The following NAP1L4 variants were observed in gnomAD, a reference collection of about 807,000 sequenced individuals.
NAP1L4 encodes the protein nucleosome assembly protein 1-like 4.
In NAP1L4, 15 loss-of-function variants were observed where a neutral mutation model predicts 58.2. The observed-to-expected ratio is 0.26, with a 90% CI of 0.17 to 0.40. NAP1L4 has a LOEUF of 0.40. Among genes scored for constraint, NAP1L4 ranks in the 10% least tolerant of loss-of-function variants. NAP1L4 has a pLI of 1.00. For synonymous variants in NAP1L4, 171 were observed against 155.6 expected, an observed-to-expected ratio of 1.10 and a Z score of -0.74; for missense variants, 384 against 451.1, an observed-to-expected ratio of 0.85 and a Z score of 1.35.
At chr11:2,957,504 A>T (rs766365060) in intron 10 of NAP1L4, among the ~76,000 whole-genome samples, 2 of 152,202 alleles carry the variant, frequency 1.3e-5, no homozygotes, top group Non-Finnish European at 2.9e-5. Flanking sequence ...ATACAAACAA[A>T]CACTCACTGA....
At chr11:2,977,698 T>C (rs907018650) in intron 3 of NAP1L4, among the ~76,000 whole-genome samples, 2 of 151,980 alleles carry the variant, frequency 1.3e-5, no homozygotes, top group Non-Finnish European at 2.9e-5. Context: ...GTAGAATTGT[T>C]TTAGGAAAAT....
Position 2,955,394 on chromosome 11 carries a change from C to T in NAP1L4, c.915+350G>A, listed in dbSNP as rs1038569878. ...TTTTTTTTGGTATTTTAAGCAGAAA[C>T]GGGGTTTCACCATGTTGACCAGACT... is the stretch of plus-strand genomic sequence containing the variant. On this transcript the variant is annotated intron_variant, in intron 11 of 15. Transcript: ENST00000380542. This position sits in a 1 kb window ranked among gnomAD's most constrained non-coding sequence, Gnocchi z 4.2. Among the ~76,000 whole-genome samples the T allele has an allele frequency of 2.0e-5, 3 of 151,034 alleles. No homozygotes were observed. Among genetic ancestry groups the T allele is most frequent in the South Asian group, 2.1e-4 (1 of 4,778 alleles).
At chr11:2,981,479 C>A (rs1243778959) in intron 1 of NAP1L4, among the ~76,000 whole-genome samples, 1 of 147,250 alleles carries the variant, frequency 6.8e-6, no homozygotes, top group East Asian at 2.1e-4. Flanking sequence ...GCTATGCTCA[C>A]CACCATGACC....
rs752497493 is a variant in NAP1L4, at chr11:2,954,724, A to C, written c.916-78T>G. On this transcript the variant is annotated intron_variant, in intron 11 of 15. Transcript: ENST00000380542. This position sits in a 1 kb window ranked among gnomAD's most constrained non-coding sequence, Gnocchi z 4.8. ...ACTTCACCACCCTCAGCCAAACCTC[A>C]GCCCCTCACTTTTGATTTACTTAAC... 6.3e-7 allele frequency: 1 copy of C among 1,582,698 alleles called. No homozygotes were observed. The highest frequency in any genetic ancestry group is 2.2e-5 in the East Asian group (1 of 44,700).
At chr11:2,952,085 A>G (rs1012271583) in intron 12 of NAP1L4, 2 of 542,012 alleles carry the variant, frequency 3.7e-6, no homozygotes, top group Non-Finnish European at 6.6e-6. Context: ...ACCTGGCACC[A>G]CAGCTCTGCC....
chr11:2,953,672 C>A (rs1846360010), intron 12 of NAP1L4, among the ~76,000 whole-genome samples: 1 of 152,208 alleles, frequency 6.6e-6, no homozygotes, highest in Non-Finnish European at 1.5e-5. Context: ...ATAAAGAGCA[C>A]GCTGGCCTAT....
intron 1 of NAP1L4, among the ~76,000 whole-genome samples, chr11:2,980,899 A>G (rs1848261662): frequency 6.6e-6 from 1 of 151,160 alleles, no homozygotes; most frequent in Admixed American, 6.6e-5. Flanking sequence ...AAAAAAAATA[A>G]ATTATGTTTT....
intron 7 of NAP1L4, among the ~76,000 whole-genome samples, chr11:2,968,667 T>C (rs1043649517): frequency 4.6e-5 from 7 of 152,214 alleles, no homozygotes; most frequent in Admixed American, 1.3e-4. Context: ...AATTACAATG[T>C]AGCAGTTTGC....
At position 2,972,245 on chromosome 11, in the gene NAP1L4, TA is replaced by T; in HGVS notation, c.174-3del. ...CTTCTTTTTACTGCTTTAGGTAAACTAAAAAAGGGAGTAAGAAATACAACAT... is the reference window on the plus strand; with the variant it reads ...CTTCTTTTTACTGCTTTAGGTAAACTAAAAAGGGAGTAAGAAATACAACAT... On this transcript the variant is annotated splice_polypyrimidine_tract_variant and splice_region_variant and intron_variant, in intron 4 of 15. Transcript: ENST00000380542. 1.9e-6 allele frequency: 3 copies of T among 1,595,744 alleles called. No individual in the cohort carries two copies. The highest frequency in any genetic ancestry group is 1.1e-5 in the South Asian group (1 of 87,348).
chr11:2,956,845 G>T (rs756948296), intron 10 of NAP1L4, among the ~76,000 whole-genome samples: 2 of 152,156 alleles, frequency 1.3e-5, no homozygotes, highest in South Asian at 2.1e-4. Context: ...CACACCACAG[G>T]AGTCCATTTT....
At chr11:2,974,808 T>C (rs1197124864) in intron 4 of NAP1L4, among the ~76,000 whole-genome samples, 1 of 152,104 alleles carries the variant, frequency 6.6e-6, no homozygotes, top group Admixed American at 6.6e-5. Flanking sequence ...CATGTATACC[T>C]ATGTAACAAA....
At chr11:2,987,051 G>T (rs2134025621) in intron 1 of NAP1L4, among the ~76,000 whole-genome samples, 1 of 152,272 alleles carries the variant, frequency 6.6e-6, no homozygotes, top group South Asian at 2.1e-4. Flanking sequence ...AGGAGTACTG[G>T]ATGTTTTAGA....
chr11:2,961,055 G>T (rs978332178), intron 8 of NAP1L4, among the ~76,000 whole-genome samples: 1 of 152,034 alleles, frequency 6.6e-6, no homozygotes, highest in Non-Finnish European at 1.5e-5. Context: ...ATCACTTAGA[G>T]CCGCGTTTAT....
Position 2,976,215 on chromosome 11 carries a change from G to A in NAP1L4, c.74-92C>T. ...ATTAGTAACATATCTACTTAGCTTT[G>A]CCTAGATTTACATCTACTAATTTCT... On this transcript the variant is annotated intron_variant, in intron 3 of 15. Transcript: ENST00000380542. 3.5e-6 allele frequency: 3 copies of A among 865,964 alleles called. No homozygotes were observed. In the South Asian group the frequency reaches 5.2e-5, roughly 15 times the overall value. 53.6% of individuals were successfully genotyped at this position (865,964 alleles called of 1,614,324 possible). A position where few individuals can be genotyped will look rare whatever the true frequency, so the allele number is the denominator to read the frequency against.
intron 8 of NAP1L4, chr11:2,963,812 A>G (rs1196943807): frequency 1.9e-6 from 1 of 519,306 alleles, no homozygotes; most frequent in South Asian, 1.4e-5. Flanking sequence ...CCAGTCAGTC[A>G]GTCATGTGTC....
At chr11:2,983,028 A>C (rs539998065) in intron 1 of NAP1L4, among the ~76,000 whole-genome samples, 16 of 152,194 alleles carry the variant, frequency 1.1e-4, no homozygotes, top group African/African-American at 3.9e-4. Flanking sequence ...TCAAAAAAAA[A>C]CAAAAAACAA....
intron 1 of NAP1L4, chr11:2,991,803 G>C (rs184579194): frequency 3.3e-5 from 5 of 152,380 alleles, no homozygotes; most frequent in African/African-American, 7.2e-5. Flanking sequence ...CCTTAAAAAC[G>C]GGAAGCCTGA....
chr11:2,989,626 G>C (rs1269142598), intron 1 of NAP1L4, among the ~76,000 whole-genome samples: 1 of 152,136 alleles, frequency 6.6e-6, no homozygotes, highest in Non-Finnish European at 1.5e-5. Flanking sequence ...TGATGCTAGA[G>C]ACTATCAACT....
intron 3 of NAP1L4, 46 bp from the exon 4 acceptor site, chr11:2,976,169 C>T: frequency 6.8e-7 from 1 of 1,467,612 alleles, no homozygotes; most frequent in Non-Finnish European, 9.4e-7. Context: ...GCCCACCACA[C>T]ACAATAGCCA....
Sources: gnomAD v4.1 joint callset for allele counts (sites outside exome capture counted in the v4.1 genomes callset) on GRCh38, gnomAD v4.1.1 for gene constraint, Gnocchi (gnomAD v3.1) non-coding constraint, MANE v1.5 for transcripts, NCBI Gene and HGNC (gene_info 2026-07-23, HGNC 2026-07-21) for gene names.